The following CNBD1 variants were observed in gnomAD, a reference collection of about 807,000 sequenced individuals.
The protein encoded by CNBD1 is cyclic nucleotide binding domain containing 1.
In CNBD1, 71 loss-of-function variants were observed where a neutral mutation model predicts 54.4. That is an observed-to-expected ratio of 1.30 (90% confidence interval 1.08 to 1.59). The LOEUF (loss-of-function observed/expected upper bound fraction) is 1.59, where lower values mean the gene tolerates loss of function less well. Ranked by LOEUF, CNBD1 falls within the 40% of genes most tolerant of loss-of-function variation. The pLI, the probability that CNBD1 is intolerant of heterozygous loss-of-function variation, is 0.00. For missense variants in CNBD1, 659 were observed against 518.0 expected (o/e 1.27, Z -2.64); for synonymous variants, 182 against 170.7 (o/e 1.07, Z -0.51).
At chr8:86,982,267 A>G (rs1193892361) in intron 4 of CNBD1, among the ~76,000 whole-genome samples, 1 of 151,878 alleles carries the variant, frequency 6.6e-6, no homozygotes, top group Admixed American at 6.6e-5. Context: ...TTTTTTATGT[A>G]CTCTGGAAAC....
chr8:87,295,827 A>G (rs1449452267), intron 8 of CNBD1, among the ~76,000 whole-genome samples: 1 of 152,156 alleles, frequency 6.6e-6, no homozygotes, highest in East Asian at 1.9e-4. Flanking sequence ...ATATAAAAAT[A>G]AATTTGAAAC....
At position 87,181,022 on chromosome 8, in the gene CNBD1, A is replaced by G. The variant is rs76603036; in HGVS notation, c.432-24971A>G. Among the ~76,000 whole-genome samples the G allele has an allele frequency of 5.3e-3, 809 of 152,120 alleles. 15 individuals carry two copies. Among genetic ancestry groups the G allele is most frequent in the African/African-American group, 0.019 (781 of 41,494 alleles). On this transcript the variant is annotated intron_variant, in intron 4 of 10. Transcript: ENST00000518476. ...AATTTCTCCACTCTGCAATCTGTCT[A>G]TGCTCTTCTATTCACTTTCTTCCCC...
intron 6 of CNBD1, among the ~76,000 whole-genome samples, chr8:87,280,992 C>T (rs976194632): frequency 6.8e-6 from 1 of 146,404 alleles, no homozygotes; most frequent in African/African-American, 2.6e-5. Context: ...AATTGAGAGA[C>T]TGAGCTATAA....
intron 8 of CNBD1, among the ~76,000 whole-genome samples, chr8:87,342,487 AT>A (rs1460474736): frequency 6.6e-6 from 1 of 152,188 alleles, no homozygotes. Context: ...TTATCTAATT[AT>A]GAAAATAATG....
At chr8:87,247,879 T>G (rs1807838460) in intron 6 of CNBD1, among the ~76,000 whole-genome samples, 1 of 152,212 alleles carries the variant, frequency 6.6e-6, no homozygotes, top group Admixed American at 6.5e-5. Context: ...AATGGCATTT[T>G]TCAGCTAGCC....
At chr8:86,897,846 C>G (rs1808870739) in intron 2 of CNBD1, among the ~76,000 whole-genome samples, 1 of 151,952 alleles carries the variant, frequency 6.6e-6, no homozygotes, top group Non-Finnish European at 1.5e-5. Flanking sequence ...TGCCCAGTAC[C>G]CTAAAAGTAC....
At chr8:87,352,177 C>T (rs187585114) in intron 9 of CNBD1, among the ~76,000 whole-genome samples, 76 of 152,154 alleles carry the variant, frequency 5.0e-4, no homozygotes, top group Admixed American at 1.6e-3. Flanking sequence ...TATGTCTACA[C>T]GAAGACTTAT....
intron 4 of CNBD1, among the ~76,000 whole-genome samples, chr8:87,116,279 A>G (rs1332193296): frequency 1.4e-5 from 2 of 142,234 alleles, no homozygotes; most frequent in Admixed American, 1.5e-4. Flanking sequence ...ATGACTCACT[A>G]CAGCCTCAAG....
chr8:87,379,038 C>G (rs938942341), intron 10 of CNBD1, among the ~76,000 whole-genome samples: 1 of 150,480 alleles, frequency 6.6e-6, no homozygotes, highest in Non-Finnish European at 1.5e-5. Flanking sequence ...TGCTTATCAG[C>G]TTAAGGAGAT....
At chr8:87,111,793 G>A (rs749775726) in intron 4 of CNBD1, among the ~76,000 whole-genome samples, 2 of 147,798 alleles carry the variant, frequency 1.4e-5, no homozygotes, top group African/African-American at 2.5e-5. Flanking sequence ...CCCCCCTCCC[G>A]CCCCCTGCAT....
Position 87,298,182 on chromosome 8 carries a change from A to G in CNBD1, c.1042+11511A>G, listed in dbSNP as rs1322157023. ...ACTACATTGCTTTTTTTTATTATAA[A>G]GGTAATTTTATATTCCACAAAGTTT... On this transcript the variant is annotated intron_variant, in intron 8 of 10. Transcript: ENST00000518476. Among the ~76,000 whole-genome samples, 30 of 151,962 alleles carry G rather than the reference A, an allele frequency of 2.0e-4. 1 individual carries two copies. The highest frequency in any genetic ancestry group is 1.5e-4 in the Non-Finnish European group (10 of 67,986).
chr8:87,390,843 A>T (rs955303585), intron 2 of CNBD1, among the ~76,000 whole-genome samples: 1 of 152,208 alleles, frequency 6.6e-6, no homozygotes, highest in African/African-American at 2.4e-5. Flanking sequence ...AACCAACCCA[A>T]ATGTCCAACA....
At chr8:87,082,300 A>T (rs571062366) in intron 4 of CNBD1, among the ~76,000 whole-genome samples, 1 of 152,022 alleles carries the variant, frequency 6.6e-6, no homozygotes, top group South Asian at 2.1e-4. Context: ...TCCACTACCT[A>T]CCCAAATCCT....
At chr8:87,352,622 A>T (rs74987913) in intron 9 of CNBD1, among the ~76,000 whole-genome samples, 1 of 152,288 alleles carries the variant, frequency 6.6e-6, no homozygotes, top group East Asian at 1.9e-4. Context: ...ATAATTATGG[A>T]TACTTGTAAG....
intron 8 of CNBD1, among the ~76,000 whole-genome samples, chr8:87,302,381 CA>C (rs1324075336): frequency 3.3e-5 from 5 of 151,992 alleles, no homozygotes; most frequent in African/African-American, 9.7e-5. Flanking sequence ...GAACCAATTA[CA>C]AAAACCACAT....
chr8:87,425,511 TTC>T (rs1374560863), intron 2 of CNBD1, among the ~76,000 whole-genome samples: 1 of 152,190 alleles, frequency 6.6e-6, no homozygotes, highest in East Asian at 1.9e-4. Context: ...TGGATGTCCT[TTC>T]TGTTTGTTAG....
chr8:87,282,929 C>A (rs1808624565), intron 6 of CNBD1, among the ~76,000 whole-genome samples: 1 of 152,154 alleles, frequency 6.6e-6, no homozygotes, highest in Non-Finnish European at 1.5e-5. Context: ...ATGCATCTTT[C>A]AGTTTTGTGT....
At chr8:86,946,655 C>T (rs1807472414) in intron 4 of CNBD1, among the ~76,000 whole-genome samples, 1 of 152,002 alleles carries the variant, frequency 6.6e-6, no homozygotes, top group Non-Finnish European at 1.5e-5. Flanking sequence ...TGCAGTGAGA[C>T]TTGAGAATCT....
intron 4 of CNBD1, among the ~76,000 whole-genome samples, chr8:86,966,686 C>G (rs946999111): frequency 5.3e-5 from 8 of 152,018 alleles, no homozygotes; most frequent in East Asian, 1.9e-4. Flanking sequence ...TTAGTTCCTC[C>G]GGATAGGTTT....
Sources: allele counts gnomAD v4.1 joint callset (sites outside exome capture counted in the v4.1 genomes callset), GRCh38; gene constraint gnomAD v4.1.1; transcripts MANE v1.5; gene names NCBI Gene and HGNC (gene_info 2026-07-23, HGNC 2026-07-21).